AKR1C8: variants seen among roughly 807,000 people sequenced by gnomAD.
AKR1C8 encodes the protein aldo-keto reductase family 1 member C-like protein 1.
the AKR1C8 span, among the ~76,000 whole-genome samples, chr10:5,179,045 C>A: frequency 1.3e-5 from 2 of 152,078 alleles, no homozygotes; most frequent in Non-Finnish European, 2.9e-5. Flanking sequence ...TTATTTTGCT[C>A]GTTAGTTGAT....
chr10:5,184,700 G>T, the AKR1C8 span, among the ~76,000 whole-genome samples: 1 of 152,136 alleles, frequency 6.6e-6, no homozygotes. Flanking sequence ...ATAAGATAAT[G>T]CATGTAAAAC....
the AKR1C8 span, among the ~76,000 whole-genome samples, chr10:5,160,560 C>T: frequency 3.9e-5 from 6 of 152,174 alleles, no homozygotes; most frequent in African/African-American, 1.4e-4. Context: ...ATAGGGCTCA[C>T]ATCCTCAACC....
At chr10:5,125,919 G>T in the AKR1C8 span, among the ~76,000 whole-genome samples, 2 of 152,176 alleles carry the variant, frequency 1.3e-5, no homozygotes, top group African/African-American at 2.4e-5. Flanking sequence ...ATCTATCACT[G>T]TAGTCTGGCT....
chr10:5,146,837 C>T, the AKR1C8 span, among the ~76,000 whole-genome samples: 1 of 152,112 alleles, frequency 6.6e-6, no homozygotes, highest in Non-Finnish European at 1.5e-5. Flanking sequence ...GTTATCTTCT[C>T]AAATGGAAAG....
chr10:5,144,224 T>C, the AKR1C8 span, among the ~76,000 whole-genome samples: 16 of 152,270 alleles, frequency 1.1e-4, no homozygotes, highest in South Asian at 4.1e-4. Flanking sequence ...TTCTGTTCCA[T>C]TGATCTATAT....
At chr10:5,177,823 A>T in the AKR1C8 span, among the ~76,000 whole-genome samples, 1 of 151,930 alleles carries the variant, frequency 6.6e-6, no homozygotes, top group African/African-American at 2.4e-5. Context: ...ATCGGTGGTG[A>T]TATCCCCTTT....
At chr10:5,169,588 TG>T in the AKR1C8 span, among the ~76,000 whole-genome samples, 5 of 149,692 alleles carry the variant, frequency 3.3e-5, no homozygotes, top group South Asian at 2.1e-4. Context: ...GAAAGATCCA[TG>T]TTTTTTTTTT....
chr10:5,162,455 G>C, the AKR1C8 span, among the ~76,000 whole-genome samples: 1 of 152,186 alleles, frequency 6.6e-6, no homozygotes, highest in Non-Finnish European at 1.5e-5. Flanking sequence ...GACAATTTTA[G>C]AGAGTTCAGA....
the AKR1C8 span, among the ~76,000 whole-genome samples, chr10:5,138,854 A>G: frequency 6.6e-6 from 1 of 152,198 alleles, no homozygotes; most frequent in Non-Finnish European, 1.5e-5. Flanking sequence ...AATTAGGAAA[A>G]GAGGAAGTCA....
the AKR1C8 span, among the ~76,000 whole-genome samples, chr10:5,148,575 A>C: frequency 6.6e-6 from 1 of 152,300 alleles, no homozygotes; most frequent in African/African-American, 2.4e-5. Context: ...AGAATGAGGC[A>C]AGTGATTACA....
At chr10:5,126,731 C>A in the AKR1C8 span, among the ~76,000 whole-genome samples, 1 of 152,120 alleles carries the variant, frequency 6.6e-6, no homozygotes, top group Non-Finnish European at 1.5e-5. Context: ...GCCATTCCAA[C>A]CCCATAGGAG....
the AKR1C8 span, among the ~76,000 whole-genome samples, chr10:5,171,542 T>G: frequency 6.6e-6 from 1 of 152,170 alleles, no homozygotes; most frequent in East Asian, 1.9e-4. Context: ...AATTATACTT[T>G]TATATTAGTG....
chr10:5,179,464 T>C, the AKR1C8 span, among the ~76,000 whole-genome samples: 1 of 152,136 alleles, frequency 6.6e-6, no homozygotes, highest in African/African-American at 2.4e-5. Flanking sequence ...ATCTTGGAGT[T>C]GCTCTTCTCA....
the AKR1C8 span, among the ~76,000 whole-genome samples, chr10:5,150,402 GAATA>G: frequency 2.0e-5 from 3 of 151,660 alleles, no homozygotes; most frequent in Non-Finnish European, 2.9e-5. Flanking sequence ...TAATAATTAA[GAATA>G]TATACTAAGA....
chr10:5,120,801 T>A, the AKR1C8 span, among the ~76,000 whole-genome samples: 9 of 152,270 alleles, frequency 5.9e-5, no homozygotes, highest in East Asian at 3.9e-4. Context: ...ATAATTAAAA[T>A]TTTTTCCCTA....
the AKR1C8 span, among the ~76,000 whole-genome samples, chr10:5,131,788 C>A: frequency 6.6e-6 from 1 of 151,992 alleles, no homozygotes. Flanking sequence ...TATGGAGATT[C>A]CTCAAAGAAC....
At chr10:5,124,216 A>G in the AKR1C8 span, among the ~76,000 whole-genome samples, 1 of 152,216 alleles carries the variant, frequency 6.6e-6, no homozygotes, top group Non-Finnish European at 1.5e-5. Flanking sequence ...GTAGTTTTAT[A>G]GGAATATTAC....
the AKR1C8 span, among the ~76,000 whole-genome samples, chr10:5,161,314 C>T: frequency 6.6e-5 from 10 of 152,120 alleles, no homozygotes; most frequent in South Asian, 2.1e-4. Flanking sequence ...TACGCTCACC[C>T]GACTCAGAGA....
At chr10:5,120,963 T>G in the AKR1C8 span, among the ~76,000 whole-genome samples, 1 of 152,130 alleles carries the variant, frequency 6.6e-6, no homozygotes, top group African/African-American at 2.4e-5. Context: ...ATATTATATA[T>G]GTAATGTATA....
Sources: gnomAD v4.1 joint callset for allele counts (sites outside exome capture counted in the v4.1 genomes callset) on GRCh38, gnomAD v4.1.1 for gene constraint, MANE v1.5 for transcripts, NCBI Gene and HGNC (gene_info 2026-07-23, HGNC 2026-07-21) for gene names.